The following PDE4B variants were observed in gnomAD, a reference collection of about 807,000 sequenced individuals.
PDE4B encodes the protein 3',5'-cyclic-AMP phosphodiesterase 4B.
In PDE4B, 20 loss-of-function variants were observed where a neutral mutation model predicts 82.2. That is an observed-to-expected ratio of 0.24 (90% confidence interval 0.17 to 0.35). PDE4B has a LOEUF of 0.35. Ranked by LOEUF, PDE4B falls within the 10% of genes least tolerant of loss-of-function variation. PDE4B has a pLI of 1.00. For synonymous variants in PDE4B, 320 were observed against 318.9 expected, an observed-to-expected ratio of 1.00 and a Z score of -0.04; for missense variants, 655 against 907.2, an observed-to-expected ratio of 0.72 and a Z score of 3.57.
rs1450171421 is a variant in PDE4B at position 66,368,037 on chromosome 1, T to G, written c.1634T>G (p.Leu545Arg). ...TKKVTSSGVLLLDNYTDRIQV... is the reference protein window; with the variant it reads ...TKKVTSSGVLRLDNYTDRIQV... Reference sequence around the variant, plus strand: ...AAAGTTACAAGTTCAGGCGTTCTTCTCCTAGACAACTATACCGATCGCATT... The same window carrying G: ...AAAGTTACAAGTTCAGGCGTTCTTCGCCTAGACAACTATACCGATCGCATT... Residue 545 changes from leucine (L) to arginine (R), a missense_variant, in exon 15 of 17, where the codon CTC becomes CGC. Leu to Arg is a moderately radical substitution (Grantham distance 102, BLOSUM62 -2). This residue lies in a region of PDE4B where 283 missense variants were observed against 516.4 expected (regional missense o/e 0.55). Transcript: ENST00000341517. 1 of 1,613,882 alleles carries G rather than the reference T, an allele frequency of 6.2e-7. No individual in the cohort carries two copies.
intron 1 of PDE4B, among the ~76,000 whole-genome samples, chr1:65,815,168 A>T (rs1645867757): frequency 6.6e-6 from 1 of 151,650 alleles, no homozygotes. Flanking sequence ...CTAACTCGTC[A>T]TCTAGCATTA....
At chr1:66,089,195 T>C (rs577303876) in intron 3 of PDE4B, among the ~76,000 whole-genome samples, 21 of 152,242 alleles carry the variant, frequency 1.4e-4, no homozygotes, top group Non-Finnish European at 2.6e-4. Context: ...GAAATAATTA[T>C]ACTGAATTTG....
At chr1:66,354,744 C>A (rs1662101978) in intron 8 of PDE4B, 1 of 1,470,048 alleles carries the variant, frequency 6.8e-7, no homozygotes, top group Non-Finnish European at 9.0e-7. Flanking sequence ...ATTATTTTAT[C>A]ACTGAATCTG....
intron 3 of PDE4B, among the ~76,000 whole-genome samples, chr1:65,958,485 G>C: frequency 6.6e-6 from 1 of 152,018 alleles, no homozygotes; most frequent in Non-Finnish European, 1.5e-5. Flanking sequence ...GGCTCTTAGA[G>C]TGACTTGAAG....
chr1:65,911,711 T>G (rs1283946140), intron 1 of PDE4B, among the ~76,000 whole-genome samples: 1 of 152,184 alleles, frequency 6.6e-6, no homozygotes, highest in African/African-American at 2.4e-5. Flanking sequence ...CTTTGGTGTA[T>G]GCCGAGGAAA....
At position 65,818,198 on chromosome 1, in the gene PDE4B, A is replaced by G. The variant is rs909837326; in HGVS notation, c.-71+24950A>G. 7.9e-5 allele frequency among the ~76,000 whole-genome samples: 12 copies of G among 152,194 alleles called. No homozygotes were observed. The East Asian group carries it at 2.3e-3, about 29-fold the overall frequency. The stretch of plus-strand genomic sequence containing the variant: ...TTTCCACACTTAAAATTCTTCAGCC[A>G]CTTTCTATGTCACAAAACCAAACTA... On this transcript the variant is annotated intron_variant, in intron 1 of 16. Coordinates refer to ENST00000341517, the MANE Select transcript of PDE4B (RefSeq NM_002600.4).
intron 16 of PDE4B, among the ~76,000 whole-genome samples, 197 bp from the exon 17 acceptor site, chr1:66,372,116 C>T (rs936983188): frequency 6.6e-6 from 1 of 152,158 alleles, no homozygotes; most frequent in Non-Finnish European, 1.5e-5. Flanking sequence ...CAATACTTAC[C>T]TTCCAGGATT....
chr1:66,049,126 A>G (rs1654879569), intron 3 of PDE4B, among the ~76,000 whole-genome samples: 1 of 152,016 alleles, frequency 6.6e-6, no homozygotes, highest in Admixed American at 6.6e-5. Context: ...AGTGTAGAAT[A>G]AGGAGATTAG....
intron 3 of PDE4B, among the ~76,000 whole-genome samples, chr1:66,202,567 CT>C (rs1440401995): frequency 6.6e-6 from 1 of 152,088 alleles, no homozygotes; most frequent in Non-Finnish European, 1.5e-5. Flanking sequence ...ATAGTTAGCT[CT>C]TCTTGTTGAA....
chr1:66,372,688 C>G lies in PDE4B; in HGVS notation c.*10C>G. On this transcript the variant is annotated 3_prime_UTR_variant, in exon 17 of 17. Transcript: ENST00000341517. ...CCCCGTGGATACATAATCCCCCTCT[C>G]CCTGTGGAGATGAACATTCTATCCT... 1 of 1,601,978 alleles carries G rather than the reference C, an allele frequency of 6.2e-7. No homozygotes were observed. The highest frequency in any genetic ancestry group is 1.3e-5 in the African/African-American group (1 of 74,736).
intron 3 of PDE4B, among the ~76,000 whole-genome samples, chr1:66,241,237 G>A (rs555309750): frequency 1.9e-4 from 29 of 152,308 alleles, no homozygotes; most frequent in African/African-American, 6.5e-4. Context: ...CGTCTAGGTC[G>A]TGGGCTCTAT....
chr1:65,991,459 T>C (rs1651239330), intron 3 of PDE4B, among the ~76,000 whole-genome samples: 1 of 152,178 alleles, frequency 6.6e-6, no homozygotes, highest in Non-Finnish European at 1.5e-5. Context: ...CACTGAAGTC[T>C]TACCGAGAAT....
intron 7 of PDE4B, among the ~76,000 whole-genome samples, chr1:66,329,268 A>G (rs1260196273): frequency 6.6e-6 from 1 of 152,200 alleles, no homozygotes; most frequent in African/African-American, 2.4e-5. Flanking sequence ...AGACATTAAC[A>G]ATGGGGAAAT....
In PDE4B at chr1:66,255,211, A is replaced by G. The variant is rs149270952; in HGVS notation, c.477-2436A>G. ...GCAATTCTCCTGCCTCAGCCTCCCA[A>G]GTAGCTAGGATTACAGGCATGTACC... On this transcript the variant is annotated intron_variant, in intron 4 of 16. Coordinates refer to ENST00000341517, the MANE Select transcript of PDE4B (RefSeq NM_002600.4). Among the ~76,000 whole-genome samples, 379 of 152,028 alleles carry G rather than the reference A, an allele frequency of 2.5e-3. 1 individual carries two copies. The highest frequency in any genetic ancestry group is 3.8e-3 in the Non-Finnish European group (258 of 67,974).
intron 3 of PDE4B, among the ~76,000 whole-genome samples, chr1:66,190,277 G>T (rs1647652387): frequency 6.6e-6 from 1 of 152,178 alleles, no homozygotes; most frequent in African/African-American, 2.4e-5. Context: ...GCTACTCGGG[G>T]GTCAAGGACC....
intron 3 of PDE4B, among the ~76,000 whole-genome samples, chr1:65,930,222 A>G (rs1261213814): frequency 1.3e-5 from 2 of 152,174 alleles, no homozygotes; most frequent in African/African-American, 2.4e-5. Flanking sequence ...GCAGTTCATT[A>G]GATTGTGCCC....
At chr1:66,016,776 C>T (rs1479215070) in intron 3 of PDE4B, among the ~76,000 whole-genome samples, 1 of 152,166 alleles carries the variant, frequency 6.6e-6, no homozygotes, top group Non-Finnish European at 1.5e-5. Flanking sequence ...TTCTAATTTT[C>T]TAAGAGTTGA....
chr1:66,216,475 G>A (rs780373811), intron 3 of PDE4B, among the ~76,000 whole-genome samples: 3 of 152,152 alleles, frequency 2.0e-5, no homozygotes, highest in Admixed American at 6.5e-5. Flanking sequence ...GTACTCAGTT[G>A]TGAATGTTCA....
chr1:66,090,357 A>C (rs1644987725), intron 3 of PDE4B, among the ~76,000 whole-genome samples: 1 of 151,886 alleles, frequency 6.6e-6, no homozygotes, highest in Admixed American at 6.6e-5. Context: ...AGATAGATTT[A>C]TAAATACATC....
Sources: allele counts gnomAD v4.1 joint callset (sites outside exome capture counted in the v4.1 genomes callset), GRCh38; gene constraint gnomAD v4.1.1; regional missense constraint gnomAD v4.1.1; transcripts MANE v1.5; gene names NCBI Gene and HGNC (gene_info 2026-07-23, HGNC 2026-07-21).